Variants in CAPN11 observed in about 807,000 individuals in gnomAD.
CAPN11 encodes calpain 11, also known as calpain-11.
CAPN11 carries 108 observed loss-of-function variants against 105.3 expected under a neutral mutation model. The observed-to-expected ratio is 1.03, with a 90% CI of 0.88 to 1.20. The LOEUF (loss-of-function observed/expected upper bound fraction) is 1.20. Among genes scored for constraint, CAPN11 ranks in the 50% most tolerant of loss-of-function variants. The probability of loss-of-function intolerance (pLI) is 0.00; values close to 1 mark genes in which losing one functional copy is unlikely to be tolerated. For synonymous variants in CAPN11, 329 were observed against 344.5 expected (o/e 0.96, Z 0.50); for missense variants, 883 against 924.8 (o/e 0.95, Z 0.59).
chr6:44,167,359 G>A (rs369717265), intron 2 of CAPN11, among the ~76,000 whole-genome samples: 7 of 151,862 alleles, frequency 4.6e-5, no homozygotes, highest in Middle Eastern at 3.4e-3. Context: ...TTAGCCAGAT[G>A]TAGCAGTGGG....
At chr6:44,171,366 G>A (rs1446942036) in intron 4 of CAPN11, among the ~76,000 whole-genome samples, 2 of 152,164 alleles carry the variant, frequency 1.3e-5, no homozygotes, top group Non-Finnish European at 2.9e-5. Flanking sequence ...CCTAGCTCCA[G>A]GGACCCTGCT....
chr6:44,184,278 C>T lies in CAPN11; in HGVS notation c.*346C>T, dbSNP rs774414353. 9 of 374,838 alleles carry T rather than the reference C, an allele frequency of 2.4e-5. No individual in the cohort carries two copies. Among genetic ancestry groups the T allele is most frequent in the South Asian group, 7.2e-5 (2 of 27,728 alleles). 23.2% of individuals were successfully genotyped at this position (374,838 alleles called of 1,614,324 possible). A position where few individuals can be genotyped will look rare whatever the true frequency, so the allele number is the denominator to read the frequency against. On this transcript the variant is annotated 3_prime_UTR_variant, in exon 23 of 23. Transcript: ENST00000398776. The stretch of plus-strand genomic sequence containing the variant: ...AAGAATAGGGAAGGGACTTGTAGCC[C>T]GTTTCTTACCCTCCATGCTTGCTGT...
At chr6:44,179,879 C>A in intron 13 of CAPN11, 73 bp from the exon 14 acceptor site, 2 of 1,220,130 alleles carry the variant, frequency 1.6e-6, no homozygotes, top group Non-Finnish European at 2.4e-6. Context: ...CCCGGCCAGG[C>A]TGTTCACCCT....
At chr6:44,161,463 G>A (rs1768791149) in intron 1 of CAPN11, among the ~76,000 whole-genome samples, 1 of 152,218 alleles carries the variant, frequency 6.6e-6, no homozygotes, top group Non-Finnish European at 1.5e-5. Context: ...GCCTCTCAAA[G>A]TGCTGGGATT....
At chr6:44,169,814 CTTCA>C in intron 3 of CAPN11, 88 bp from the exon 4 acceptor site, 1 of 1,042,028 alleles carries the variant, frequency 9.6e-7, no homozygotes, top group South Asian at 1.4e-5. Flanking sequence ...TCCCCTGGAA[CTTCA>C]AGGTGGGCAT....
intron 2 of CAPN11, 73 bp downstream of exon 2, chr6:44,166,902 CT>C: frequency 1.1e-6 from 1 of 891,846 alleles, no homozygotes; most frequent in Non-Finnish European, 1.7e-6. Flanking sequence ...TTCTCTTCCC[CT>C]GGGCCTGCTG....
rs565761856 is a variant in CAPN11 at position 44,173,350 on chromosome 6, C to T, written c.795C>T (p.Ala265=). The T allele has an allele frequency of 1.3e-5, 21 of 1,613,340 alleles. No homozygotes were observed. The South Asian group carries it at 1.5e-4, about 12-fold the overall frequency. The stretch of plus-strand genomic sequence containing the variant: ...ACCTGCTCAGGCTCCTTAGGAAGGC[C>T]GTGGAGCGATCCTCCCTCATGGGTT... ...PQNLLRLLRK[A]VERSSLMGCS... is the part of the protein sequence containing the mutation. The change falls in exon 7 of 23, where the codon GCC becomes GCT. Residue 265 remains alanine, a synonymous_variant. Coordinates refer to ENST00000398776, the MANE Select transcript of CAPN11 (RefSeq NM_007058.4).
chr6:44,169,549 G>C lies in CAPN11; in HGVS notation c.339+18G>C. On this transcript the variant is annotated intron_variant, in intron 3 of 22. Coordinates refer to ENST00000398776, the MANE Select transcript of CAPN11 (RefSeq NM_007058.4). Reference sequence around the variant, plus strand: ...GGCCCAAGGTGGGCACTGGAAGGGAGGCATGGACTCATGGATGGAAGGGAG... The same window carrying C: ...GGCCCAAGGTGGGCACTGGAAGGGACGCATGGACTCATGGATGGAAGGGAG... 2.0e-6 allele frequency: 3 copies of C among 1,537,202 alleles called. No individual in the cohort carries two copies. Among genetic ancestry groups the C allele is most frequent in the Non-Finnish European group, 2.6e-6 (3 of 1,141,472 alleles).
intron 2 of CAPN11, chr6:44,169,057 A>G: frequency 1.8e-6 from 1 of 563,928 alleles, no homozygotes; most frequent in Non-Finnish European, 3.3e-6. Flanking sequence ...CAGCCTCCTG[A>G]GTAGCTGGGA....
At chr6:44,164,855 G>A (rs1248023160) in intron 1 of CAPN11, among the ~76,000 whole-genome samples, 3 of 151,850 alleles carry the variant, frequency 2.0e-5, no homozygotes, top group Non-Finnish European at 4.4e-5. Flanking sequence ...TGTATAATCA[G>A]GTTTGCATTT....
chr6:44,161,006 TG>T (rs1210068521), intron 1 of CAPN11, among the ~76,000 whole-genome samples: 2 of 152,080 alleles, frequency 1.3e-5, no homozygotes, highest in Non-Finnish European at 2.9e-5. Flanking sequence ...AGGTGTCCAC[TG>T]GGGGTGTTGG....
In CAPN11 at chr6:44,183,930, T is replaced by C; in HGVS notation, c.2218T>C (p.Ter740GlnextTer92). 6.4e-7 allele frequency: 1 copy of C among 1,555,098 alleles called. No individual in the cohort carries two copies. Among genetic ancestry groups the C allele is most frequent in the East Asian group, 2.4e-5 (1 of 41,290 alleles). ...GTGGCTGCAGATGACCATGTGGGGA[T>C]AGAGGCGCTGTAGGAGCCTGGTCAT... ...EQWLQMTMWG[*>Q] Residue 740 changes from the stop codon to glutamine, a stop_lost, in exon 23 of 23, where the codon TAG becomes CAG. Coordinates refer to ENST00000398776, the MANE Select transcript of CAPN11 (RefSeq NM_007058.4).
intron 12 of CAPN11, 72 bp downstream of exon 12, chr6:44,177,492 C>CTTTCT (rs1554131642): frequency 9.7e-3 from 9,904 of 1,017,054 alleles, no homozygotes; most frequent in Non-Finnish European, 0.012. Context: ...TTCTTTCTTT[C>CTTTCT]TTTTTTTTTT....
At chr6:44,172,566 C>A in intron 5 of CAPN11, 146 bp downstream of exon 5, 2 of 596,152 alleles carry the variant, frequency 3.4e-6, no homozygotes, top group Non-Finnish European at 5.8e-6. Flanking sequence ...ATCTGCCCAC[C>A]AAAGAAATCA....
rs1316422177 is a variant in CAPN11 at position 44,180,162 on chromosome 6, T to C, written c.1639T>C (p.Trp547Arg). 7.5e-6 allele frequency: 12 copies of C among 1,604,072 alleles called. No individual in the cohort carries two copies. Among genetic ancestry groups the C allele is most frequent in the Non-Finnish European group, 9.4e-6 (11 of 1,175,208 alleles). Reference protein sequence around the residue: ...RVFTEKHSESWELDEVNYAEQ... With the variant: ...RVFTEKHSESRELDEVNYAEQ... The stretch of plus-strand genomic sequence containing the variant: ...CTTCACCGAGAAGCACAGCGAGTCA[T>C]GGTAAGGGGCTGCAGCTCACTGCTC... Residue 547 changes from tryptophan to arginine, a missense_variant and splice_region_variant, in exon 14 of 23, where the codon TGG becomes CGG. Trp to Arg is a moderately radical substitution (Grantham distance 101). Transcript: ENST00000398776.
rs747176501 is a variant in CAPN11 at position 44,172,983 on chromosome 6, G to A, written c.572G>A (p.Arg191Gln). The change falls in exon 6 of 23, where the codon CGG (arginine) becomes CAG (glutamine). Residue 191 changes from arginine (R) to glutamine (Q), a missense_variant. Physicochemically the swap from Arg to Gln is conservative, Grantham distance 43. Transcript: ENST00000398776. ...TGGGTGAACGTGGTGGTAGATGACC[G>A]GCTGCCCACAAAGAATGACAAGCTG... is the stretch of plus-strand genomic sequence containing the variant. ...GQWVNVVVDD[R>Q]LPTKNDKLVF... 2.0e-5 allele frequency: 33 copies of A among 1,613,002 alleles called. No individual in the cohort carries two copies. The African/African-American group carries it at 2.8e-4, about 14-fold the overall frequency.
intron 7 of CAPN11, among the ~76,000 whole-genome samples, chr6:44,175,716 G>T (rs113639553): frequency 6.6e-6 from 1 of 152,018 alleles, no homozygotes; most frequent in Non-Finnish European, 1.5e-5. Flanking sequence ...GGCAGAGGTT[G>T]CAGTGAGCCG....
In CAPN11 at chr6:44,176,330, G is replaced by A. The variant is rs369869962; in HGVS notation, c.993G>A (p.Trp331Ter). ...PWGRIEWNGAWSDSAREWEEV... is the reference protein window; with the variant it reads ...PWGRIEWNGA ...GCCGGATTGAGTGGAATGGAGCTTG[G>A]AGTGACAGGTAGGTGTCCCCAACCC... is the stretch of plus-strand genomic sequence containing the variant. Residue 331 changes from tryptophan (W) to a stop codon, truncating the protein, a stop_gained, in exon 9 of 23, where the codon TGG becomes TGA. Transcript: ENST00000398776. LOFTEE classifies it high-confidence loss of function. 5 of 1,613,678 alleles carry A rather than the reference G, an allele frequency of 3.1e-6. No individual in the cohort carries two copies. The highest frequency in any genetic ancestry group is 2.7e-5 in the African/African-American group (2 of 74,924).
intron 4 of CAPN11, among the ~76,000 whole-genome samples, chr6:44,170,953 C>T (rs2128300962): frequency 6.6e-6 from 1 of 152,242 alleles, no homozygotes; most frequent in African/African-American, 2.4e-5. Flanking sequence ...ATTCTGTCCC[C>T]TTGGGGCAGA....
Sources: allele counts gnomAD v4.1 joint callset (sites outside exome capture counted in the v4.1 genomes callset), GRCh38; gene constraint gnomAD v4.1.1; transcripts MANE v1.5; gene names NCBI Gene and HGNC (gene_info 2026-07-23, HGNC 2026-07-21).